EXOC6B: variants seen among roughly 807,000 people sequenced by gnomAD.
EXOC6B encodes SEC15 homolog B.
A neutral mutation model predicts 113.5 loss-of-function variants in EXOC6B; 54 were observed. The observed-to-expected ratio is 0.48, with a 90% confidence interval of 0.38 to 0.60. The LOEUF (loss-of-function observed/expected upper bound fraction) is 0.60. Among genes scored for constraint, EXOC6B ranks in the 20% least tolerant of loss-of-function variants. The pLI is 0.00. For missense variants in EXOC6B, 797 were observed against 977.5 expected (o/e 0.82, Z 2.46); for synonymous variants, 357 against 339.0 (o/e 1.05, Z -0.58).
intron 18 of EXOC6B, among the ~76,000 whole-genome samples, chr2:72,428,242 T>C (rs1260081751): frequency 6.6e-6 from 1 of 152,188 alleles, no homozygotes; most frequent in Non-Finnish European, 1.5e-5. Flanking sequence ...AACACACCCC[T>C]TGTTCGCCAC....
At chr2:72,325,507 G>T (rs1688078178) in intron 20 of EXOC6B, among the ~76,000 whole-genome samples, 1 of 151,758 alleles carries the variant, frequency 6.6e-6, no homozygotes, top group African/African-American at 2.4e-5. Context: ...TTTATCTCCT[G>T]CTACCCAAAA....
chr2:72,390,359 A>G (rs1692298308), intron 18 of EXOC6B, among the ~76,000 whole-genome samples: 1 of 152,190 alleles, frequency 6.6e-6, no homozygotes, highest in African/African-American at 2.4e-5. Flanking sequence ...GCATTTTTAA[A>G]GCATTTGCCT....
chr2:72,683,218 T>C (rs1254382394), intron 6 of EXOC6B, among the ~76,000 whole-genome samples: 2 of 152,216 alleles, frequency 1.3e-5, no homozygotes, highest in African/African-American at 2.4e-5. Flanking sequence ...GGCAGAGCTA[T>C]GTGTTTTTCA....
At chr2:72,494,201 T>TA (rs1699910609) in intron 15 of EXOC6B, among the ~76,000 whole-genome samples, 1 of 152,148 alleles carries the variant, frequency 6.6e-6, no homozygotes, top group Non-Finnish European at 1.5e-5. Context: ...CTTTACCATA[T>TA]TACCTTTCTT....
intron 6 of EXOC6B, among the ~76,000 whole-genome samples, chr2:72,586,553 C>T (rs997438939): frequency 6.6e-6 from 1 of 151,992 alleles, no homozygotes; most frequent in African/African-American, 2.4e-5. Context: ...GAGGTCGAGA[C>T]CATCCTGGTC....
intron 6 of EXOC6B, among the ~76,000 whole-genome samples, chr2:72,682,525 A>G (rs1233710842): frequency 6.6e-6 from 1 of 152,162 alleles, no homozygotes; most frequent in Non-Finnish European, 1.5e-5. Context: ...GAAAGAGAAC[A>G]TGTTTCAAAT....
chr2:72,646,256 C>T (rs1673703317), intron 6 of EXOC6B, among the ~76,000 whole-genome samples: 1 of 152,092 alleles, frequency 6.6e-6, no homozygotes, highest in African/African-American at 2.4e-5. Flanking sequence ...GAAGTTGAAT[C>T]TCTGAATAGA....
Position 72,654,606 on chromosome 2 carries a change from TG to T in EXOC6B, c.669+63496del, listed in dbSNP as rs1228298796. Among the ~76,000 whole-genome samples the T allele has an allele frequency of 2.6e-4, 39 of 152,220 alleles. 1 individual carries two copies. Among genetic ancestry groups the T allele is most frequent in the Non-Finnish European group, 2.2e-4 (15 of 68,038 alleles). ...CTTTTTTTCCTTTATGGATTGTATG[TG>T]AAATGCTTAGATGCTGAGCACAGAG... On this transcript the variant is annotated intron_variant, in intron 6 of 21. Transcript: ENST00000272427.
chr2:72,382,431 G>A (rs182418707), intron 18 of EXOC6B, among the ~76,000 whole-genome samples: 4 of 152,268 alleles, frequency 2.6e-5, no homozygotes, highest in Admixed American at 2.6e-4. Context: ...TTTGGCTACT[G>A]TAGCCCTGTG....
chr2:72,536,915 T>A (rs1702323021), intron 8 of EXOC6B, among the ~76,000 whole-genome samples: 2 of 152,222 alleles, frequency 1.3e-5, no homozygotes, highest in South Asian at 4.1e-4. Context: ...AACCTATCTA[T>A]GAAGAGTTAG....
At chr2:72,478,824 T>C (rs1698905107) in intron 17 of EXOC6B, among the ~76,000 whole-genome samples, 1 of 152,238 alleles carries the variant, frequency 6.6e-6, no homozygotes, top group Admixed American at 6.5e-5. Flanking sequence ...GAACCTCACG[T>C]TCTAATTCCC....
chr2:72,744,403 T>C (rs569165920), intron 1 of EXOC6B, among the ~76,000 whole-genome samples: 12 of 152,122 alleles, frequency 7.9e-5, no homozygotes, highest in Non-Finnish European at 1.6e-4. Flanking sequence ...CTTTGACAAG[T>C]AGGAAAACTG....
At chr2:72,616,960 T>C (rs892747324) in intron 6 of EXOC6B, among the ~76,000 whole-genome samples, 2 of 152,174 alleles carry the variant, frequency 1.3e-5, no homozygotes, top group East Asian at 1.9e-4. Context: ...AGCAAGTTAG[T>C]TACTTCCTAG....
Position 72,184,115 on chromosome 2 carries a change from G to C in EXOC6B, c.2269C>G (p.Leu757Val). 1 of 1,566,220 alleles carries C rather than the reference G, an allele frequency of 6.4e-7. No homozygotes were observed. Among genetic ancestry groups the C allele is most frequent in the South Asian group, 1.2e-5 (1 of 84,836 alleles). Residue 757 changes from leucine (L) to valine (V), a missense_variant, in exon 21 of 22, where the codon CTC (leucine) becomes GTC (valine). Physicochemically the swap from Leu to Val is conservative, Grantham distance 32. Transcript: ENST00000272427. ...ADYGQPNCKY[L>V]RVNPVTALTL... The stretch of plus-strand genomic sequence containing the variant: ...AGAGCAGTCACTGGGTTTACCCGGA[G>C]GTACTTGCAGTTGGGCTGACCATAG...
chr2:72,763,833 C>A (rs1682888898), intron 1 of EXOC6B, among the ~76,000 whole-genome samples: 2 of 152,014 alleles, frequency 1.3e-5, no homozygotes, highest in Non-Finnish European at 2.9e-5. Context: ...GTAAACCCAG[C>A]AGCTTGAGAG....
chr2:72,212,780 A>G (rs572848163), intron 20 of EXOC6B, among the ~76,000 whole-genome samples: 1 of 152,356 alleles, frequency 6.6e-6, no homozygotes, highest in African/African-American at 2.4e-5. Context: ...ATTGTAGTAC[A>G]TGATGCTTAG....
intron 1 of EXOC6B, among the ~76,000 whole-genome samples, chr2:72,813,726 C>T (rs571152656): frequency 1.3e-5 from 2 of 152,282 alleles, no homozygotes; most frequent in South Asian, 4.2e-4. Flanking sequence ...TTTTTCTTCA[C>T]TCATATTGCT....
intron 20 of EXOC6B, 138 bp from the exon 21 acceptor site, chr2:72,184,325 G>C: frequency 1.8e-6 from 1 of 549,154 alleles, no homozygotes; most frequent in Non-Finnish European, 3.3e-6. Context: ...AAAAAGAACA[G>C]CTGCAGACTA....
At chr2:72,557,500 A>G (rs1436330572) in intron 8 of EXOC6B, among the ~76,000 whole-genome samples, 1 of 152,192 alleles carries the variant, frequency 6.6e-6, no homozygotes, top group Admixed American at 6.5e-5. Flanking sequence ...TTTTGCAGGA[A>G]CATGGATGGA....
Sources: allele counts gnomAD v4.1 joint callset (sites outside exome capture counted in the v4.1 genomes callset), GRCh38; gene constraint gnomAD v4.1.1; transcripts MANE v1.5; gene names NCBI Gene and HGNC (gene_info 2026-07-23, HGNC 2026-07-21).